TIMM23B: variants seen among roughly 807,000 people sequenced by gnomAD.
The protein encoded by TIMM23B is mitochondrial import inner membrane translocase subunit Tim23B.
Under a neutral mutation model 27.3 loss-of-function variants are expected in TIMM23B, and 27 were observed. That is an observed-to-expected ratio of 0.99 (90% confidence interval 0.73 to 1.36). The LOEUF is 1.36. Ranked by LOEUF, TIMM23B falls within the 40% of genes most tolerant of loss-of-function variation. The pLI is 0.00. For synonymous variants in TIMM23B, 73 were observed against 92.4 expected, an observed-to-expected ratio of 0.79 and a Z score of 1.21; for missense variants, 205 against 244.2, an observed-to-expected ratio of 0.84 and a Z score of 1.07.
At chr10:49,967,011 C>G (rs1193158671) in intron 6 of TIMM23B, among the ~76,000 whole-genome samples, 25 of 151,988 alleles carry the variant, frequency 1.6e-4, no homozygotes, top group African/African-American at 5.8e-4. Flanking sequence ...CCTCTGCTTC[C>G]TGGGTTCAAG....
intron 5 of TIMM23B, among the ~76,000 whole-genome samples, chr10:49,956,214 G>A (rs1765512292): frequency 1.3e-5 from 2 of 151,908 alleles, no homozygotes; most frequent in African/African-American, 4.8e-5. Context: ...GAGTTGTAAG[G>A]CTGAGCGCGG....
intron 5 of TIMM23B, 111 bp downstream of exon 5, chr10:49,955,171 T>C: frequency 8.7e-7 from 1 of 1,153,306 alleles, no homozygotes; most frequent in Non-Finnish European, 1.3e-6. Context: ...GAGACAATTA[T>C]GTTTAAATCC....
At chr10:49,945,814 A>G (rs1839338801) in intron 2 of TIMM23B, among the ~76,000 whole-genome samples, 1 of 152,194 alleles carries the variant, frequency 6.6e-6, no homozygotes, top group African/African-American at 2.4e-5. Context: ...CAAGGAAAGA[A>G]TATAGTACAA....
At chr10:49,958,614 T>C in intron 6 of TIMM23B, 134 bp downstream of exon 6, 3 of 847,552 alleles carry the variant, frequency 3.5e-6, no homozygotes, top group Non-Finnish European at 3.7e-6. Context: ...TTTGGTTTGG[T>C]TTGGTTTTTA....
intron 1 of TIMM23B, among the ~76,000 whole-genome samples, chr10:49,944,600 A>G (rs1314339439): frequency 3.3e-5 from 5 of 152,084 alleles, no homozygotes; most frequent in Non-Finnish European, 7.4e-5. Flanking sequence ...AAATAGTTAG[A>G]TACAACATGT....
chr10:49,954,215 C>T (rs1839636372), intron 4 of TIMM23B: 1 of 223,320 alleles, frequency 4.5e-6, no homozygotes, highest in African/African-American at 2.3e-5. Context: ...TCCATAATTT[C>T]CAGCAGTAGT....
intron 2 of TIMM23B, among the ~76,000 whole-genome samples, chr10:49,950,375 A>T (rs1174755367): frequency 6.6e-6 from 1 of 151,668 alleles, no homozygotes; most frequent in Non-Finnish European, 1.5e-5. Context: ...CAGTATATTA[A>T]CATACTTTGA....
chr10:49,965,591 A>G (rs1315641277), intron 6 of TIMM23B, among the ~76,000 whole-genome samples: 1 of 151,986 alleles, frequency 6.6e-6, no homozygotes, highest in African/African-American at 2.4e-5. Context: ...AAATGAAATG[A>G]ATAATGAAAT....
At chr10:49,957,718 A>T (rs1269062457) in intron 5 of TIMM23B, among the ~76,000 whole-genome samples, 20 of 152,196 alleles carry the variant, frequency 1.3e-4, no homozygotes, top group African/African-American at 4.8e-4. Flanking sequence ...AAGTCCCATG[A>T]GTTGAGCTGT....
At chr10:49,961,600 T>C (rs1345998590) in intron 6 of TIMM23B, among the ~76,000 whole-genome samples, 1 of 144,396 alleles carries the variant, frequency 6.9e-6, no homozygotes, top group African/African-American at 2.5e-5. Flanking sequence ...CTAAAATGTT[T>C]CCCTTGTTTT....
chr10:49,962,276 C>G (rs1169383988), intron 6 of TIMM23B, among the ~76,000 whole-genome samples: 3 of 151,186 alleles, frequency 2.0e-5, no homozygotes, highest in African/African-American at 7.3e-5. Context: ...AATCTTGGCT[C>G]ACTGCAACCT....
At chr10:49,969,639 AGCCGTGATCAT>A (rs1840330036) in intron 6 of TIMM23B, among the ~76,000 whole-genome samples, 1 of 151,362 alleles carries the variant, frequency 6.6e-6, no homozygotes, top group Non-Finnish European at 1.5e-5. Flanking sequence ...GGCTGCAGTG[AGCCGTGATCAT>A]GCCACTGCAC....
At chr10:49,951,141 AT>A (rs1839515934) in intron 2 of TIMM23B, among the ~76,000 whole-genome samples, 1 of 152,148 alleles carries the variant, frequency 6.6e-6, no homozygotes. Flanking sequence ...TACTTTTGCA[AT>A]TTTTGGTGAG....
intron 6 of TIMM23B, among the ~76,000 whole-genome samples, chr10:49,959,563 A>G (rs1839829896): frequency 6.6e-6 from 1 of 152,152 alleles, no homozygotes; most frequent in South Asian, 2.1e-4. Context: ...TAATCCACAT[A>G]CGTGATTTTT....
At chr10:49,956,988 T>C (rs1839745746) in intron 5 of TIMM23B, among the ~76,000 whole-genome samples, 1 of 147,702 alleles carries the variant, frequency 6.8e-6, no homozygotes, top group Admixed American at 6.8e-5. Context: ...TCTTTTGCAG[T>C]GGACAGCAGT....
chr10:49,962,295 T>C (rs1194057742), intron 6 of TIMM23B, among the ~76,000 whole-genome samples: 66 of 151,712 alleles, frequency 4.4e-4, no homozygotes, highest in Non-Finnish European at 8.5e-4. Flanking sequence ...CTCCACCTCC[T>C]GGGTTCAAGC....
chr10:49,972,150 G>A (rs1589057437), intron 6 of TIMM23B, among the ~76,000 whole-genome samples: 1 of 152,206 alleles, frequency 6.6e-6, no homozygotes, highest in Non-Finnish European at 1.5e-5. Context: ...TCCACTGGCC[G>A]AAGAAGTATT....
Position 49,966,110 on chromosome 10 carries a change from TAATG to T in TIMM23B, c.515-6899_515-6896del, listed in dbSNP as rs782584072. On this transcript the variant is annotated intron_variant, in intron 6 of 6. Transcript: ENST00000651259. ...CATGACATGACATGATGAAATGAAA[TAATG>T]AAATGAATAATGAAATGCTGGGTGT... 1.6e-3 allele frequency among the ~76,000 whole-genome samples: 217 copies of T among 131,712 alleles called. 4 individuals carry two copies. The highest frequency in any genetic ancestry group is 2.7e-3 in the Non-Finnish European group (164 of 59,686). The allele number at this position is 131,712 out of a possible 152,430, so 86.4% of individuals were successfully genotyped here. A position where few individuals can be genotyped will look rare whatever the true frequency, so the allele number is the denominator to read the frequency against.
chr10:49,953,295 A>G (rs1839602372), intron 4 of TIMM23B, among the ~76,000 whole-genome samples: 1 of 152,214 alleles, frequency 6.6e-6, no homozygotes, highest in Admixed American at 6.5e-5. Context: ...CACCCAGCAG[A>G]TGGCACCAGA....
Sources: allele counts gnomAD v4.1 joint callset (sites outside exome capture counted in the v4.1 genomes callset), GRCh38; gene constraint gnomAD v4.1.1; transcripts MANE v1.5; gene names NCBI Gene and HGNC (gene_info 2026-07-23, HGNC 2026-07-21).